Variants in SOD1 observed in about 807,000 individuals in gnomAD.
SOD1 encodes the protein superoxide dismutase 1.
Under a neutral mutation model 15.9 loss-of-function variants are expected in SOD1, and 8 were observed. That is an observed-to-expected ratio of 0.50 (90% CI 0.30 to 0.91). The LOEUF (loss-of-function observed/expected upper bound fraction) is 0.91, where lower values mean the gene tolerates loss of function less well. Among genes scored for constraint, SOD1 ranks in the 40% least tolerant of loss-of-function variants. SOD1 has a pLI of 0.07. For synonymous variants in SOD1, 86 were observed against 71.2 expected (o/e 1.21, Z -1.04); for missense variants, 137 against 194.5 (o/e 0.70, Z 1.76).
chr21:31,661,011 A>G lies in SOD1; in HGVS notation c.72+1170A>G, dbSNP rs1363652290. On this transcript the variant is annotated intron_variant, in intron 1 of 4. Transcript: ENST00000270142. Reference sequence around the variant, plus strand: ...TTTCAGAACTTTTATCAGTAAAATTACAAAACGTGTTGCAAGGAAGGTGCT... The same window carrying G: ...TTTCAGAACTTTTATCAGTAAAATTGCAAAACGTGTTGCAAGGAAGGTGCT... 3.9e-5 allele frequency among the ~76,000 whole-genome samples: 6 copies of G among 152,376 alleles called. No homozygotes were observed. The South Asian group carries it at 1.0e-3, about 26-fold the overall frequency.
Position 31,666,481 on chromosome 21 carries a change from C to G in SOD1, c.202C>G (p.Leu68Val). 1 of 1,613,074 alleles carries G rather than the reference C, an allele frequency of 6.2e-7. No homozygotes were observed. Among genetic ancestry groups the G allele is most frequent in the Non-Finnish European group, 8.5e-7 (1 of 1,179,206 alleles). The change falls in exon 3 of 5, where the codon CTA becomes GTA. Residue 68 changes from leucine (L) to valine (V), a missense_variant. By Grantham distance (32) the Leu-to-Val change is conservative (BLOSUM62 1). Transcript: ENST00000270142. ...CAGTGCAGGTCCTCACTTTAATCCT[C>G]TATCCAGAAAACACGGTGGGCCAAA... The part of the protein sequence containing the change: ...CTSAGPHFNP[L>V]SRKHGGPKDE...
intron 2 of SOD1, 37 bp downstream of exon 2, chr21:31,663,923 C>A: frequency 1.3e-6 from 2 of 1,486,622 alleles, no homozygotes; most frequent in South Asian, 2.3e-5. Flanking sequence ...CATACTTGTT[C>A]ACCCTAGTTA....
chr21:31,663,809 A>T lies in SOD1; in HGVS notation c.92A>T (p.Lys31Met). The T allele has an allele frequency of 6.2e-7, 1 of 1,612,910 alleles. No homozygotes were observed. ...TTAAAGGAAAGTAATGGACCAGTGA[A>T]GGTGTGGGGAAGCATTAAAGGACTG... ...FEQKESNGPVKVWGSIKGLTE... is the reference protein window; with the variant it reads ...FEQKESNGPVMVWGSIKGLTE... Residue 31 changes from lysine (K) to methionine (M), a missense_variant, in exon 2 of 5, where the codon AAG (lysine) becomes ATG (methionine). Lys to Met is a moderately conservative substitution (Grantham distance 95). Transcript: ENST00000270142.
intron 2 of SOD1, 124 bp from the exon 3 acceptor site, chr21:31,666,325 A>T: frequency 1.4e-6 from 1 of 723,240 alleles, no homozygotes; most frequent in South Asian, 1.5e-5. Context: ...GGTGTTGCTT[A>T]TCCCAGAAGT....
At chr21:31,660,745 A>AT (rs973590819) in intron 1 of SOD1, 6 of 152,202 alleles carry the variant, frequency 3.9e-5, no homozygotes, top group African/African-American at 1.4e-4. Context: ...TCCAAAAGTG[A>AT]TTTTGATGTG....
chr21:31,665,721 A>G (rs1461845828), intron 2 of SOD1, among the ~76,000 whole-genome samples: 1 of 152,156 alleles, frequency 6.6e-6, no homozygotes, highest in Non-Finnish European at 1.5e-5. Flanking sequence ...TGCACATAAG[A>G]TGCTGTTGAA....
intron 4 of SOD1, 39 bp downstream of exon 4, chr21:31,667,414 A>G (rs1568810869): frequency 7.6e-7 from 1 of 1,313,450 alleles, no homozygotes; most frequent in Non-Finnish European, 1.1e-6. Context: ...AACTTCTTCT[A>G]ACATACAGTC....
rs2049612454 is a variant in SOD1, at chr21:31,668,054, G to C, written c.358-417G>C. On this transcript the variant is annotated intron_variant, in intron 4 of 4. Transcript: ENST00000270142. ...TTTTTAGGATTATACCTTACTTATA[G>C]GCCCGTCATTCATTTGGCATGAAAT... 2.0e-5 allele frequency among the ~76,000 whole-genome samples: 3 copies of C among 152,006 alleles called. No individual in the cohort carries two copies. In the South Asian group the frequency reaches 6.2e-4, roughly 32 times the overall value.
intron 2 of SOD1, among the ~76,000 whole-genome samples, chr21:31,664,738 C>A (rs538674132): frequency 2.0e-5 from 3 of 152,002 alleles, no homozygotes; most frequent in Non-Finnish European, 4.4e-5. Flanking sequence ...CCTGCCTCAG[C>A]CCCCTGAGTA....
At position 31,668,645 on chromosome 21, in the gene SOD1, T is replaced by G; in HGVS notation, c.*67T>G. 8.5e-7 allele frequency: 1 copy of G among 1,178,244 alleles called. No homozygotes were observed. 73.0% of individuals were successfully genotyped at this position (1,178,244 alleles called of 1,614,324 possible). ...TTATCCTGCTAGCTGTAGAAATGTA[T>G]CCTGATAAACATTAAACACTGTAAT... On this transcript the variant is annotated 3_prime_UTR_variant, in exon 5 of 5. Transcript: ENST00000270142.
At chr21:31,668,085 G>C (rs1428564608) in intron 4 of SOD1, among the ~76,000 whole-genome samples, 1 of 152,042 alleles carries the variant, frequency 6.6e-6, no homozygotes, top group East Asian at 1.9e-4. Flanking sequence ...GAAATTTTGA[G>C]TTTTATTCAC....
At chr21:31,664,576 T>C (rs2049577126) in intron 2 of SOD1, 1 of 153,640 alleles carries the variant, frequency 6.5e-6, no homozygotes, top group South Asian at 2.0e-4. Flanking sequence ...AGGGAAAGAG[T>C]TGATGTTTTG....
intron 1 of SOD1, among the ~76,000 whole-genome samples, chr21:31,662,162 G>A (rs2049553734): frequency 6.6e-6 from 1 of 152,134 alleles, no homozygotes; most frequent in Non-Finnish European, 1.5e-5. Context: ...ATGTATTACC[G>A]GTTAAATGGA....
intron 2 of SOD1, among the ~76,000 whole-genome samples, chr21:31,665,345 T>C (rs763707947): frequency 1.3e-5 from 2 of 152,194 alleles, no homozygotes; most frequent in African/African-American, 4.8e-5. Flanking sequence ...TTTTTTTGTT[T>C]ATAGATTTCT....
intron 1 of SOD1, 71 bp downstream of exon 1, chr21:31,659,912 G>A: frequency 2.0e-6 from 3 of 1,519,704 alleles, no homozygotes; most frequent in African/African-American, 1.4e-5. Context: ...ACCTTTGCTA[G>A]GAGCGGGTCG....
At chr21:31,664,667 G>A (rs2049578251) in intron 2 of SOD1, among the ~76,000 whole-genome samples, 1 of 152,092 alleles carries the variant, frequency 6.6e-6, no homozygotes, top group Non-Finnish European at 1.5e-5. Context: ...GGCCCAGGCT[G>A]GAGTGCAGTG....
chr21:31,666,027 A>G (rs1281079514), intron 2 of SOD1, among the ~76,000 whole-genome samples: 1 of 143,962 alleles, frequency 6.9e-6, no homozygotes, highest in African/African-American at 2.6e-5. Flanking sequence ...GCTGGAGTGC[A>G]GTGGTGCGAT....
At chr21:31,663,630 T>C (rs1463076984) in intron 1 of SOD1, among the ~76,000 whole-genome samples, 160 bp from the exon 2 acceptor site, 1 of 152,200 alleles carries the variant, frequency 6.6e-6, no homozygotes, top group East Asian at 1.9e-4. Context: ...TTAAGCAGCT[T>C]GCTGGAGGTT....
chr21:31,664,266 C>A, intron 2 of SOD1: 1 of 275,576 alleles, frequency 3.6e-6, no homozygotes, highest in East Asian at 8.2e-5. Flanking sequence ...AGCCACTGTG[C>A]CTGGGAAAAC....
Sources: gnomAD v4.1 joint callset for allele counts (sites outside exome capture counted in the v4.1 genomes callset) on GRCh38, gnomAD v4.1.1 for gene constraint, MANE v1.5 for transcripts, NCBI Gene and HGNC (gene_info 2026-07-23, HGNC 2026-07-21) for gene names.